The following SLC2A10 variants were observed in gnomAD, a reference collection of about 807,000 sequenced individuals.
SLC2A10 encodes solute carrier family 2, facilitated glucose transporter member 10.
In SLC2A10, 25 loss-of-function variants were observed where a neutral mutation model predicts 32.1. The ratio of observed to expected loss-of-function variants is 0.78; its 90% CI spans 0.57 to 1.09. The LOEUF is 1.09. Ranked by LOEUF, SLC2A10 falls within the 50% of genes least tolerant of loss-of-function variation. The pLI is 0.00. For synonymous variants in SLC2A10, 332 were observed against 309.6 expected (o/e 1.07, Z -0.76); for missense variants, 673 against 686.5 (o/e 0.98, Z 0.22).
chr20:46,724,365 G>A (rs1979722842), intron 1 of SLC2A10, among the ~76,000 whole-genome samples: 1 of 151,538 alleles, frequency 6.6e-6, no homozygotes, highest in East Asian at 2.0e-4. Flanking sequence ...GTGTGGATGA[G>A]TATACAAAGG....
intron 1 of SLC2A10, among the ~76,000 whole-genome samples, chr20:46,718,566 T>C (rs1208948877): frequency 6.6e-6 from 1 of 152,184 alleles, no homozygotes; most frequent in Non-Finnish European, 1.5e-5. Context: ...TAATTTTCAC[T>C]TGATTATCTC....
At chr20:46,730,276 G>T (rs2123065528) in intron 4 of SLC2A10, among the ~76,000 whole-genome samples, 1 of 152,280 alleles carries the variant, frequency 6.6e-6, no homozygotes, top group South Asian at 2.1e-4. Flanking sequence ...GGAAGACAAA[G>T]TGCCTGTCCT....
Position 46,733,846 on chromosome 20 carries a change from G to C in SLC2A10, c.*12G>C. 1 of 1,613,718 alleles carries C rather than the reference G, an allele frequency of 6.2e-7. No individual in the cohort carries two copies. ...CTGCGGCCTCCTGAGGAATCCGTCT[G>C]CCTGGAAATTCTGGAACTGTGGCTT... is the stretch of plus-strand genomic sequence containing the variant. On this transcript the variant is annotated 3_prime_UTR_variant, in exon 5 of 5. Coordinates refer to ENST00000359271, the MANE Select transcript of SLC2A10 (RefSeq NM_030777.4).
chr20:46,726,461 C>A (rs1248129050), intron 2 of SLC2A10, 137 bp downstream of exon 2: 8 of 1,289,540 alleles, frequency 6.2e-6, no homozygotes, highest in Admixed American at 4.0e-5. Flanking sequence ...GCCTCAGGGC[C>A]CCTCACTTAC....
chr20:46,709,384 C>A, upstream of SLC2A10: 1 of 379,622 alleles, frequency 2.6e-6, no homozygotes. Context: ...GGGTCTTCTA[C>A]CAGGGAGGAT....
intron 4 of SLC2A10, among the ~76,000 whole-genome samples, chr20:46,730,904 C>T (rs1428317919): frequency 6.6e-6 from 1 of 152,178 alleles, no homozygotes; most frequent in Non-Finnish European, 1.5e-5. Flanking sequence ...AGTCATAAAA[C>T]GTTTTAAAAA....
chr20:46,727,683 G>A (rs1980052492), intron 3 of SLC2A10, among the ~76,000 whole-genome samples: 1 of 152,118 alleles, frequency 6.6e-6, no homozygotes, highest in Non-Finnish European at 1.5e-5. Context: ...AACCCATTCT[G>A]AGGTGTGGTG....
In SLC2A10 at chr20:46,726,210, A is replaced by G. The variant is rs1347181620; in HGVS notation, c.1174A>G (p.Ser392Gly). Reference sequence around the variant, plus strand: ...CTCAGCCCCTCCTCGGCTGGCCCTGAGCTCTGCCCTCCCTGGGCCCCCTCT... The same window carrying G: ...CTCAGCCCCTCCTCGGCTGGCCCTGGGCTCTGCCCTCCCTGGGCCCCCTCT... ...DPSAPPRLALSSALPGPPLPA... is the reference protein window; with the variant it reads ...DPSAPPRLALGSALPGPPLPA... The change falls in exon 2 of 5, where the codon AGC (serine) becomes GGC (glycine). Residue 392 changes from serine (S) to glycine (G), a missense_variant. By Grantham distance (56) the Ser-to-Gly change is moderately conservative. Coordinates refer to ENST00000359271, the MANE Select transcript of SLC2A10 (RefSeq NM_030777.4). The G allele has an allele frequency of 1.9e-6, 3 of 1,614,080 alleles. No homozygotes were observed. In the Admixed American group the frequency reaches 5.0e-5, roughly 27 times the overall value.
intron 1 of SLC2A10, among the ~76,000 whole-genome samples, chr20:46,724,331 AGATG>A (rs1177400682): frequency 2.0e-5 from 3 of 152,054 alleles, no homozygotes; most frequent in South Asian, 2.1e-4. Flanking sequence ...ATGGATGGAT[AGATG>A]GATGGATGGA....
intron 4 of SLC2A10, among the ~76,000 whole-genome samples, 161 bp downstream of exon 4, chr20:46,729,649 T>TG (rs1980183665): frequency 1.2e-5 from 1 of 83,854 alleles, no homozygotes; most frequent in Non-Finnish European, 2.6e-5. Context: ...TTTTTTTTTT[T>TG]TTTTTTTTTT....
chr20:46,729,488 G>A lies in SLC2A10; in HGVS notation c.1547G>A (p.Arg516Gln), dbSNP rs760437795. 52 of 1,613,976 alleles carry A rather than the reference G, an allele frequency of 3.2e-5. No individual in the cohort carries two copies. Among genetic ancestry groups the A allele is most frequent in the Admixed American group, 3.3e-5 (2 of 60,004 alleles). The change falls in exon 4 of 5, where the codon CGG becomes CAG. Residue 516 changes from arginine to glutamine, a missense_variant and splice_region_variant. By Grantham distance (43) the Arg-to-Gln change is conservative. Transcript: ENST00000359271. ...AEIDQQFQKR[R>Q]FTLSFGHRQN... ...ATAGACCAGCAGTTCCAGAAGAGAC[G>A]GTAGGAAGCTGACAGGGTGGGTCTG...
Position 46,735,614 on chromosome 20 carries a change from G to T in SLC2A10, c.*1780G>T, listed in dbSNP as rs1399137407. Reference sequence around the variant, plus strand: ...CTCAATGACATCATGTTAGTCTTTGGTTGCTTAACTGGCTGTGGGGAGTGT... The same window carrying T: ...CTCAATGACATCATGTTAGTCTTTGTTTGCTTAACTGGCTGTGGGGAGTGT... On this transcript the variant is annotated 3_prime_UTR_variant, in exon 5 of 5. Coordinates refer to ENST00000359271, the MANE Select transcript of SLC2A10 (RefSeq NM_030777.4). 1 of 152,118 alleles carries T rather than the reference G, an allele frequency of 6.6e-6. No homozygotes were observed. Among genetic ancestry groups the T allele is most frequent in the Non-Finnish European group, 1.5e-5 (1 of 68,024 alleles). 9.4% of individuals were successfully genotyped at this position (152,118 alleles called of 1,614,324 possible). A position where few individuals can be genotyped will look rare whatever the true frequency, so the allele number is the denominator to read the frequency against.
At chr20:46,709,982 G>T in intron 1 of SLC2A10, 1 of 547,636 alleles carries the variant, frequency 1.8e-6, no homozygotes, top group Middle Eastern at 4.8e-4. Context: ...ACTTGCTGCA[G>T]CGCCCACTCG....
intron 4 of SLC2A10, among the ~76,000 whole-genome samples, chr20:46,733,002 G>C (rs1049037002): frequency 6.6e-6 from 1 of 152,192 alleles, no homozygotes; most frequent in Non-Finnish European, 1.5e-5. Flanking sequence ...GGAGGGGTTG[G>C]TGTGGGGGAG....
intron 3 of SLC2A10, 149 bp from the exon 4 acceptor site, chr20:46,729,204 C>A (rs1379658082): frequency 1.3e-5 from 12 of 952,626 alleles, no homozygotes; most frequent in South Asian, 9.4e-5. Flanking sequence ...TCACTGACAG[C>A]TTATTGGTCA....
Position 46,725,298 on chromosome 20 carries a change from G to A in SLC2A10, c.262G>A (p.Gly88Ser). The A allele has an allele frequency of 1.2e-6, 2 of 1,614,162 alleles. No individual in the cohort carries two copies. Among genetic ancestry groups the A allele is most frequent in the South Asian group, 2.2e-5 (2 of 91,078 alleles). ...CGGGAGCAACTTGGTGCTGCTGGCA[G>A]GCAGCCTGACCCTGGGCCTGGCTGG... The part of the protein sequence containing the change: ...ILGSNLVLLA[G>S]SLTLGLAGSL... The change falls in exon 2 of 5, where the codon GGC becomes AGC. Residue 88 changes from glycine (G) to serine (S), a missense_variant. By Grantham distance (56) the Gly-to-Ser change is moderately conservative. Transcript: ENST00000359271.
At chr20:46,711,106 G>T (rs186336261) in intron 1 of SLC2A10, among the ~76,000 whole-genome samples, 2 of 152,182 alleles carry the variant, frequency 1.3e-5, no homozygotes, top group African/African-American at 4.8e-5. Flanking sequence ...TCCTGACCTC[G>T]TGATCCGGCT....
At chr20:46,719,129 GTGT>G (rs1979415338) in intron 1 of SLC2A10, among the ~76,000 whole-genome samples, 1 of 151,822 alleles carries the variant, frequency 6.6e-6, no homozygotes, top group South Asian at 2.1e-4. Context: ...GCGGAGGGGG[GTGT>G]TGTTGTTACT....
intron 1 of SLC2A10, among the ~76,000 whole-genome samples, chr20:46,721,232 C>T (rs149731502): frequency 7.2e-4 from 110 of 152,284 alleles, no homozygotes; most frequent in African/African-American, 2.6e-3. Context: ...AGGCATAACA[C>T]CAGGAGGCAT....
Sources: allele counts gnomAD v4.1 joint callset (sites outside exome capture counted in the v4.1 genomes callset), GRCh38; gene constraint gnomAD v4.1.1; transcripts MANE v1.5; gene names NCBI Gene and HGNC (gene_info 2026-07-23, HGNC 2026-07-21).